SYT5: variants seen among roughly 807,000 people sequenced by gnomAD.
The protein encoded by SYT5 is synaptotagmin 5.
In SYT5, 29 loss-of-function variants were observed where a neutral mutation model predicts 36.0. The observed-to-expected ratio is 0.81, with a 90% CI of 0.60 to 1.10. The LOEUF is 1.10. SYT5 is among the 50% of genes least tolerant of loss of function. SYT5 has a pLI of 0.00. For missense variants in SYT5, 512 were observed against 516.0 expected (o/e 0.99, Z 0.08); for synonymous variants, 231 against 227.6 (o/e 1.02, Z -0.14).
intron 3 of SYT5, chr19:55,176,327 TGA>T (rs1568878194): frequency 3.1e-6 from 2 of 651,806 alleles, no homozygotes; most frequent in African/African-American, 3.7e-5. Flanking sequence ...TGTGAAGGTT[TGA>T]TTAGTGGTGT....
intron 2 of SYT5, among the ~76,000 whole-genome samples, 195 bp downstream of exon 2, chr19:55,178,753 ATTTTTTTTTTTTTTT>A (rs5828614): frequency 2.0e-4 from 10 of 50,486 alleles, no homozygotes; most frequent in Admixed American, 1.1e-3. Context: ...TCCGGTTTCG[ATTTTTTTTTTTTTTT>A]TTTTTTTTTT....
At position 55,171,317 on chromosome 19, in the gene SYT5, A is replaced by G. The variant is rs1315412659; in HGVS notation, c.*2167T>C. 1 of 110,514 alleles carries G rather than the reference A, an allele frequency of 9.0e-6. No individual in the cohort carries two copies. Among genetic ancestry groups the G allele is most frequent in the Admixed American group, 8.4e-5 (1 of 11,876 alleles). The allele number at this position is 110,514 out of a possible 1,614,324, so 6.8% of individuals were successfully genotyped here. On this transcript the variant is annotated 3_prime_UTR_variant, in exon 9 of 9. Coordinates refer to ENST00000354308, the MANE Select transcript of SYT5 (RefSeq NM_003180.3). ...ACATGCTCTACAGCCACACACACAC[A>G]CACACACACACACACACACACACAC...
At chr19:55,178,484 T>C (rs2086103425) in intron 2 of SYT5, 116 bp from the exon 3 acceptor site, 1 of 1,226,460 alleles carries the variant, frequency 8.2e-7, no homozygotes. Context: ...GCCATTTTCA[T>C]TGCATTTCTT....
At chr19:55,174,723 C>A (rs986190426) in intron 7 of SYT5, 73 bp from the exon 8 acceptor site, 8 of 1,606,142 alleles carry the variant, frequency 5.0e-6, no homozygotes, top group Non-Finnish European at 6.8e-6. Context: ...ACACTGCCTA[C>A]ACCCTTCGGG....
intron 8 of SYT5, among the ~76,000 whole-genome samples, chr19:55,174,277 T>TGCTTAGGGGTGGGACATCCTGGTTCC (rs1203036628): frequency 6.6e-5 from 4 of 60,210 alleles, no homozygotes; most frequent in Admixed American, 2.0e-4. Context: ...CATCTGGTAC[T>TGCTTAGGGGTGGGACATCCTGGTTCC]GCTTAGGGGT....
chr19:55,177,949 C>T (rs1172865575), intron 3 of SYT5, among the ~76,000 whole-genome samples: 2 of 152,190 alleles, frequency 1.3e-5, no homozygotes, highest in Admixed American at 6.5e-5. Flanking sequence ...ACATATTACC[C>T]TGTGTGGTGA....
In SYT5 at chr19:55,178,236, A is replaced by C. The variant is rs774426112; in HGVS notation, c.212T>G (p.Leu71Arg). 2.5e-6 allele frequency: 4 copies of C among 1,609,714 alleles called. No homozygotes were observed. In the East Asian group the frequency reaches 8.9e-5, roughly 36 times the overall value. ...KKSQAQAQVH[L>R]QEVKGLGQSY... ...CTGGCCCAGCCCCTTCACTTCCTGA[A>C]GGTGGACCTGGGCTTGGGCCTGGCT... Residue 71 changes from leucine (L) to arginine (R), a missense_variant, in exon 3 of 9, where the codon CTT becomes CGT. Leu to Arg is a moderately radical substitution (Grantham distance 102). Transcript: ENST00000354308.
At chr19:55,178,877 C>G in intron 2 of SYT5, 86 bp downstream of exon 2, 1 of 1,334,262 alleles carries the variant, frequency 7.5e-7, no homozygotes, top group South Asian at 2.0e-5. Context: ...GCCCGCCTGC[C>G]CGAGTACACC....
chr19:55,176,794 C>G (rs2147332339), intron 3 of SYT5, among the ~76,000 whole-genome samples: 1 of 152,290 alleles, frequency 6.6e-6, no homozygotes, highest in East Asian at 1.9e-4. Flanking sequence ...GGCTGGACAC[C>G]AGGACCCTAA....
In SYT5 at chr19:55,174,556, G is replaced by A. The variant is rs369780797; in HGVS notation, c.921C>T (p.Asn307=). 1.9e-6 allele frequency: 3 copies of A among 1,613,998 alleles called. No homozygotes were observed. Among genetic ancestry groups the A allele is most frequent in the African/African-American group, 2.7e-5 (2 of 74,924 alleles). Residue 307 remains asparagine (N), a synonymous_variant, in exon 8 of 9, where the codon AAC becomes AAT. Transcript: ENST00000354308. The stretch of plus-strand genomic sequence containing the variant: ...AGGGCACCTCGAAGCTGAAAGCTTC[G>A]TTGTAATAGGGGTTCAGAGTGTTCT... ...IKKNTLNPYY[N]EAFSFEVPCD...
At chr19:55,176,238 G>A (rs780662629) in intron 3 of SYT5, 114 bp from the exon 4 acceptor site, 32 of 1,434,060 alleles carry the variant, frequency 2.2e-5, no homozygotes, top group Middle Eastern at 2.2e-4. Context: ...AGCTCTCACA[G>A]GCTAAGCAGA....
chr19:55,176,246 A>T (rs1279508528), intron 3 of SYT5, 122 bp from the exon 4 acceptor site: 1 of 1,362,748 alleles, frequency 7.3e-7, no homozygotes, highest in Non-Finnish European at 1.0e-6. Flanking sequence ...CAGGCTAAGC[A>T]GATTCAGTAT....
chr19:55,177,651 C>T (rs2086091269), intron 3 of SYT5: 1 of 152,666 alleles, frequency 6.6e-6, no homozygotes, highest in Non-Finnish European at 1.5e-5. Context: ...CAGCTCACTG[C>T]AGCCTCCACC....
Position 55,173,656 on chromosome 19 carries a change from T to C in SYT5, c.989A>G (p.Asp330Gly). 6.8e-7 allele frequency: 1 copy of C among 1,462,010 alleles called. No individual in the cohort carries two copies. The allele number at this position is 1,462,010 out of a possible 1,614,324, so 90.6% of individuals were successfully genotyped here. Residue 330 changes from aspartate to glycine, a missense_variant, in exon 9 of 9, where the codon GAC becomes GGC. Transcript: ENST00000354308. The surrounding 1 kb of genome is among the most constrained non-coding windows in gnomAD (Gnocchi z 5.4). ...CTCGTTCTTGCCCAGCTTGTCGTAGTCCAGCACGGTCAGCTCCACCTGCAC... is the reference window on the plus strand; with the variant it reads ...CTCGTTCTTGCCCAGCTTGTCGTAGCCCAGCACGGTCAGCTCCACCTGCAC... Reference protein sequence around the residue: ...QKVQVELTVLDYDKLGKNEAI... With the variant: ...QKVQVELTVLGYDKLGKNEAI...
In SYT5 at chr19:55,173,603, C is replaced by T; in HGVS notation, c.1042G>A (p.Ala348Thr). Residue 348 changes from alanine (A) to threonine (T), a missense_variant, in exon 9 of 9, where the codon GCC (alanine) becomes ACC (threonine). By Grantham distance (58) the Ala-to-Thr change is moderately conservative. Coordinates refer to ENST00000354308, the MANE Select transcript of SYT5 (RefSeq NM_003180.3). This position sits in a 1 kb window ranked among gnomAD's most constrained non-coding sequence, Gnocchi z 5.4. ...EAIGRVAVGA[A>T]AGGAGLRHWA... The stretch of plus-strand genomic sequence containing the variant: ...TGCCGCAGGCCAGCCCCGCCGGCGG[C>T]CGCCCCCACGGCCACCCTCCCGATG... 2.0e-6 allele frequency: 3 copies of T among 1,483,770 alleles called. No homozygotes were observed. The highest frequency in any genetic ancestry group is 2.7e-6 in the Non-Finnish European group (3 of 1,117,708). 91.9% of individuals were successfully genotyped at this position (1,483,770 alleles called of 1,614,324 possible). A position where few individuals can be genotyped will look rare whatever the true frequency, so the allele number is the denominator to read the frequency against.
chr19:55,175,218 C>T lies in SYT5; in HGVS notation c.662G>A (p.Arg221Gln), dbSNP rs1176712345. The T allele has an allele frequency of 6.2e-7, 1 of 1,610,910 alleles. No homozygotes were observed. The highest frequency in any genetic ancestry group is 8.5e-7 in the Non-Finnish European group (1 of 1,178,920). ...CAGCTCCCGCCAGGCCTGCACTGGC[C>T]GCCCCAGGTCCACGGAGCTCATAGG... ...RVPMSSVDLG[R>Q]PVQAWRELQA... The change falls in exon 6 of 9, where the codon CGG (arginine) becomes CAG (glutamine). Residue 221 changes from arginine (R) to glutamine (Q), a missense_variant. Arg to Gln is a conservative substitution (Grantham distance 43, BLOSUM62 1). Transcript: ENST00000354308. The surrounding 1 kb of genome is among the most constrained non-coding windows in gnomAD (Gnocchi z 4.5).
Position 55,175,178 on chromosome 19 carries a change from CCGCGGAGCCGCCTG to C in SYT5, c.688_701del (p.Gln230GlyfsTer30). On this transcript the variant is annotated frameshift_variant, in exon 6 of 9. Transcript: ENST00000354308. LOFTEE classifies it high-confidence loss of function. This position sits in a 1 kb window ranked among gnomAD's most constrained non-coding sequence, Gnocchi z 4.5. ...CGCGACCGCGCATGCTCACCTCCTC[CCGCGGAGCCGCCTG>C]CAGCTCCCGCCAGGCCTGCACTGGC... 6.3e-7 allele frequency: 1 copy of C among 1,599,004 alleles called. No individual in the cohort carries two copies. Among genetic ancestry groups the C allele is most frequent in the Non-Finnish European group, 8.5e-7 (1 of 1,174,522 alleles).
Position 55,178,180 on chromosome 19 carries a change from C to G in SYT5, c.252+16G>C, listed in dbSNP as rs748724627. On this transcript the variant is annotated intron_variant, in intron 3 of 8. Coordinates refer to ENST00000354308, the MANE Select transcript of SYT5 (RefSeq NM_003180.3). ...TGCGGGAAGGGGCCAGGTGGAGGGG[C>G]TGGGCTGGGCCACACCTTGTCTATG... The G allele has an allele frequency of 3.7e-6, 6 of 1,604,592 alleles. No individual in the cohort carries two copies. The Admixed American group carries it at 5.1e-5, about 14-fold the overall frequency.
Position 55,175,653 on chromosome 19 carries a change from T to C in SYT5, c.540+56A>G. 1.3e-6 allele frequency: 2 copies of C among 1,587,030 alleles called. No individual in the cohort carries two copies. Among genetic ancestry groups the C allele is most frequent in the Non-Finnish European group, 1.7e-6 (2 of 1,163,190 alleles). ...AAAAGCGGAAGGGGTCGGTCCCTAG[T>C]GTTCCAGGGACTGGGCACAGGCTAT... is the stretch of plus-strand genomic sequence containing the variant. On this transcript the variant is annotated intron_variant, in intron 5 of 8. Transcript: ENST00000354308. This position sits in a 1 kb window ranked among gnomAD's most constrained non-coding sequence, Gnocchi z 4.5.
Sources: gnomAD v4.1 joint callset for allele counts (sites outside exome capture counted in the v4.1 genomes callset) on GRCh38, gnomAD v4.1.1 for gene constraint, Gnocchi (gnomAD v3.1) non-coding constraint, MANE v1.5 for transcripts, NCBI Gene and HGNC (gene_info 2026-07-23, HGNC 2026-07-21) for gene names.